Variants in AVEN observed in about 807,000 individuals in gnomAD.
AVEN encodes apoptosis and caspase activation inhibitor, also known as cell death regulator Aven.
AVEN carries 41 observed loss-of-function variants against 38.1 expected under a neutral mutation model. The ratio of observed to expected loss-of-function variants is 1.08; its 90% CI spans 0.84 to 1.40. The LOEUF (loss-of-function observed/expected upper bound fraction) is 1.40, where lower values mean the gene tolerates loss of function less well. Among genes scored for constraint, AVEN ranks in the 40% most tolerant of loss-of-function variants. AVEN has a pLI of 0.00. For synonymous variants in AVEN, 206 were observed against 171.8 expected (o/e 1.20, Z -1.56); for missense variants, 605 against 438.8 (o/e 1.38, Z -3.38).
intron 2 of AVEN, among the ~76,000 whole-genome samples, chr15:33,903,136 T>C (rs1011206012): frequency 2.6e-5 from 4 of 152,206 alleles, no homozygotes; most frequent in Admixed American, 2.0e-4. Context: ...TGAGGCCACA[T>C]TGATCATAAA....
chr15:33,873,361 A>T, intron 3 of AVEN, among the ~76,000 whole-genome samples: 1 of 150,228 alleles, frequency 6.7e-6, no homozygotes, highest in East Asian at 2.0e-4. Flanking sequence ...CGGCCTCCCA[A>T]AGTGCTGGGA....
At chr15:33,900,673 A>G (rs1011871191) in intron 2 of AVEN, among the ~76,000 whole-genome samples, 6 of 152,072 alleles carry the variant, frequency 3.9e-5, no homozygotes, top group Admixed American at 6.6e-5. Context: ...GTAAAATATC[A>G]TTGGTGCTGT....
intron 4 of AVEN, chr15:34,064,521 T>G (rs1900460282): frequency 3.2e-6 from 2 of 634,122 alleles, no homozygotes; most frequent in South Asian, 4.3e-5. Context: ...CTCTTGCCTA[T>G]GACCAAGGCC....
chr15:34,025,016 C>A (rs1207763703), intron 1 of AVEN, among the ~76,000 whole-genome samples: 2 of 151,670 alleles, frequency 1.3e-5, no homozygotes, highest in Admixed American at 1.3e-4. Context: ...ACTAAAAATA[C>A]AAAAATTAGC....
At chr15:33,967,129 A>T (rs1239766469) in intron 2 of AVEN, among the ~76,000 whole-genome samples, 1 of 152,164 alleles carries the variant, frequency 6.6e-6, no homozygotes, top group African/African-American at 2.4e-5. Context: ...TCAAGAAAAT[A>T]TTCTAAAGAT....
Position 33,915,812 on chromosome 15 carries a change from G to A in AVEN, c.446-39817C>T, listed in dbSNP as rs144118573. On this transcript the variant is annotated intron_variant, in intron 2 of 5. Coordinates refer to ENST00000306730, the MANE Select transcript of AVEN (RefSeq NM_020371.3). Reference sequence around the variant, plus strand: ...GGTAGGTTCTCAGCCCTGCTCACCCGCGGCCTGGAAATAAACTCCGTGCTG... The same window carrying A: ...GGTAGGTTCTCAGCCCTGCTCACCCACGGCCTGGAAATAAACTCCGTGCTG... Among the ~76,000 whole-genome samples, 642 of 152,250 alleles carry A rather than the reference G, an allele frequency of 4.2e-3. 2 individuals carry two copies. The highest frequency in any genetic ancestry group is 7.6e-3 in the Non-Finnish European group (515 of 68,004).
At chr15:33,876,345 G>C (rs532658892) in intron 2 of AVEN, among the ~76,000 whole-genome samples, 15 of 152,318 alleles carry the variant, frequency 9.8e-5, no homozygotes, top group African/African-American at 1.4e-4. Flanking sequence ...GCTGAGGCGG[G>C]TGGATTACTT....
chr15:34,009,799 A>C (rs1442736801), intron 1 of AVEN, among the ~76,000 whole-genome samples: 1 of 152,078 alleles, frequency 6.6e-6, no homozygotes, highest in African/African-American at 2.4e-5. Context: ...GATCAGCCTG[A>C]GCAACATAGA....
intron 4 of AVEN, among the ~76,000 whole-genome samples, chr15:33,870,064 G>C (rs1201364676): frequency 6.6e-6 from 1 of 152,082 alleles, no homozygotes; most frequent in East Asian, 1.9e-4. Context: ...TCCTACCACT[G>C]AGTTGCACAA....
At chr15:33,897,955 C>T (rs769319974) in intron 2 of AVEN, among the ~76,000 whole-genome samples, 103 of 152,080 alleles carry the variant, frequency 6.8e-4, no homozygotes, top group Non-Finnish European at 1.1e-3. Flanking sequence ...TTTGGGAGGT[C>T]GAAGGGGGCG....
intron 2 of AVEN, among the ~76,000 whole-genome samples, chr15:33,877,719 G>A (rs1241119711): frequency 6.6e-6 from 1 of 152,146 alleles, no homozygotes; most frequent in Non-Finnish European, 1.5e-5. Flanking sequence ...CGGAGGCCGA[G>A]GCAGGCGGAT....
intron 2 of AVEN, among the ~76,000 whole-genome samples, chr15:33,951,565 A>T (rs1894752730): frequency 1.3e-5 from 2 of 150,348 alleles, no homozygotes; most frequent in African/African-American, 2.5e-5. Context: ...GTATAATAAA[A>T]AAAAAAAAAA....
chr15:33,892,188 C>A (rs1164127205), intron 2 of AVEN, among the ~76,000 whole-genome samples: 2 of 152,172 alleles, frequency 1.3e-5, no homozygotes, highest in Non-Finnish European at 2.9e-5. Flanking sequence ...CCTGTTCACT[C>A]TGATGGTAGT....
At chr15:33,984,179 C>T (rs918185287) in intron 2 of AVEN, among the ~76,000 whole-genome samples, 3 of 151,804 alleles carry the variant, frequency 2.0e-5, no homozygotes, top group African/African-American at 7.3e-5. Flanking sequence ...GATAAAGATA[C>T]CATGGTTATA....
At chr15:34,035,977 A>T (rs546353136) in intron 1 of AVEN, among the ~76,000 whole-genome samples, 21 of 152,062 alleles carry the variant, frequency 1.4e-4, no homozygotes, top group Admixed American at 8.5e-4. Flanking sequence ...TATTTTTTTT[A>T]TAGAGAGGGG....
chr15:33,935,404 A>AAGTAGC (rs1851359546), intron 2 of AVEN, among the ~76,000 whole-genome samples: 1 of 152,168 alleles, frequency 6.6e-6, no homozygotes, highest in Admixed American at 6.5e-5. Flanking sequence ...ATAAGGATCT[A>AAGTAGC]AGTAGCATTT....
chr15:33,942,604 C>T (rs568206274), intron 2 of AVEN, among the ~76,000 whole-genome samples: 17 of 152,192 alleles, frequency 1.1e-4, no homozygotes, highest in South Asian at 4.2e-4. Flanking sequence ...GCACCCGCCA[C>T]CATGCCCGGC....
chr15:33,945,476 A>C (rs1278216070), intron 2 of AVEN, among the ~76,000 whole-genome samples: 1 of 151,848 alleles, frequency 6.6e-6, no homozygotes, highest in Non-Finnish European at 1.5e-5. Context: ...AATTTATAGT[A>C]CTCCCCTGCT....
At chr15:33,975,796 GGCACATGCCTGTAGTCCCA>G (rs971239680) in intron 2 of AVEN, among the ~76,000 whole-genome samples, 2 of 152,144 alleles carry the variant, frequency 1.3e-5, no homozygotes, top group African/African-American at 4.8e-5. Context: ...CGGGCGTGGT[GGCACATGCCTGTAGTCCCA>G]GCTACTCGGG....
Sources: gnomAD v4.1 joint callset for allele counts (sites outside exome capture counted in the v4.1 genomes callset) on GRCh38, gnomAD v4.1.1 for gene constraint, MANE v1.5 for transcripts, NCBI Gene and HGNC (gene_info 2026-07-23, HGNC 2026-07-21) for gene names.